The following AKAP12 variants were observed in gnomAD, a reference collection of about 807,000 sequenced individuals.
AKAP12 encodes A-kinase anchoring protein 12, also known as A-kinase anchor protein 12.
A neutral mutation model predicts 79.9 loss-of-function variants in AKAP12; 32 were observed. That is an observed-to-expected ratio of 0.40 (90% CI 0.30 to 0.54). The LOEUF (loss-of-function observed/expected upper bound fraction) is 0.54. AKAP12 is among the 20% of genes least tolerant of loss of function. The pLI, the probability that AKAP12 is intolerant of heterozygous loss-of-function variation, is 0.48. For missense variants in AKAP12, 2,074 were observed against 2,177.0 expected (o/e 0.95, Z 0.94); for synonymous variants, 808 against 857.0 (o/e 0.94, Z 1.00).
At chr6:151,270,385 C>T (rs1253740947) in intron 2 of AKAP12, among the ~76,000 whole-genome samples, 2 of 152,188 alleles carry the variant, frequency 1.3e-5, no homozygotes, top group East Asian at 3.8e-4. Context: ...TATAATATTC[C>T]GTTGTATGGA....
chr6:151,327,799 T>C (rs1335460954), intron 3 of AKAP12, among the ~76,000 whole-genome samples: 1 of 152,170 alleles, frequency 6.6e-6, no homozygotes, highest in Non-Finnish European at 1.5e-5. Flanking sequence ...ACAATGTGGG[T>C]GTGGAGGATA....
At chr6:151,244,447 TCGGGAAGCGGAGTTTGCAATGAG>T (rs1464858330) in intron 2 of AKAP12, among the ~76,000 whole-genome samples, 2 of 152,060 alleles carry the variant, frequency 1.3e-5, no homozygotes, top group African/African-American at 4.8e-5. Flanking sequence ...TGGCGTGAAC[TCGGGAAGCGGAGTTTGCAATGAG>T]CCGAGTTGGC....
intron 3 of AKAP12, chr6:151,341,688 TGAGTA>T: frequency 8.2e-7 from 1 of 1,220,246 alleles, no homozygotes; most frequent in Non-Finnish European, 1.0e-6. Context: ...AACTCTGCAG[TGAGTA>T]GCACGTGCAC....
At position 151,356,624 on chromosome 6, in the gene AKAP12, AAGTC is replaced by A. The variant is rs1279917271; in HGVS notation, c.*913_*916del. On this transcript the variant is annotated 3_prime_UTR_variant, in exon 5 of 5. Transcript: ENST00000402676. Reference sequence around the variant, plus strand: ...ACTGCATTCACACATGGCATGAAATAAGTCAGGTTCTTTACAAATGGTATTTTGA... The same window carrying A: ...ACTGCATTCACACATGGCATGAAATAAGGTTCTTTACAAATGGTATTTTGA... The A allele has an allele frequency of 6.6e-6, 1 of 152,244 alleles. No individual in the cohort carries two copies. Among genetic ancestry groups the A allele is most frequent in the Non-Finnish European group, 1.5e-5 (1 of 68,036 alleles). 9.4% of individuals were successfully genotyped at this position (152,244 alleles called of 1,614,324 possible). A position where few individuals can be genotyped will look rare whatever the true frequency, so the allele number is the denominator to read the frequency against.
At chr6:151,347,964 G>A (rs1448378178) in intron 3 of AKAP12, among the ~76,000 whole-genome samples, 1 of 151,612 alleles carries the variant, frequency 6.6e-6, no homozygotes, top group African/African-American at 2.4e-5. Context: ...GAGGTCAGAA[G>A]ATCGAGACCA....
intron 3 of AKAP12, chr6:151,319,751 C>A: frequency 6.3e-6 from 1 of 157,904 alleles, no homozygotes. Context: ...ATGGGCGTCC[C>A]TCCCGAAGCT....
intron 2 of AKAP12, among the ~76,000 whole-genome samples, chr6:151,281,640 G>A (rs768289638): frequency 3.3e-5 from 5 of 152,144 alleles, no homozygotes; most frequent in Non-Finnish European, 7.4e-5. Flanking sequence ...GGCATTCTAT[G>A]TGAGGCTAGG....
At chr6:151,324,930 G>A (rs754164194) in intron 3 of AKAP12, 64 of 985,316 alleles carry the variant, frequency 6.5e-5, no homozygotes, top group Non-Finnish European at 7.0e-5. Flanking sequence ...GTGCTTGCAT[G>A]TTAGAGATAT....
intron 3 of AKAP12, among the ~76,000 whole-genome samples, chr6:151,321,915 T>TG (rs1034155231): frequency 0.023 from 3,404 of 145,724 alleles, 137 homozygotes; most frequent in African/African-American, 0.084. Context: ...TTTTTTTTTT[T>TG]TTTTTTTTTT....
chr6:151,325,486 C>G (rs1468919694), intron 3 of AKAP12: 2 of 985,284 alleles, frequency 2.0e-6, no homozygotes, highest in Non-Finnish European at 2.4e-6. Context: ...TCACAGAGCC[C>G]AGCTCGGGGG....
chr6:151,277,051 A>G (rs937157500), intron 2 of AKAP12, among the ~76,000 whole-genome samples: 2 of 152,220 alleles, frequency 1.3e-5, no homozygotes, highest in African/African-American at 4.8e-5. Flanking sequence ...AAAAACAAAT[A>G]CAACAACCTG....
intron 3 of AKAP12, among the ~76,000 whole-genome samples, chr6:151,312,509 C>T (rs971478881): frequency 6.7e-5 from 10 of 149,646 alleles, no homozygotes; most frequent in South Asian, 2.1e-4. Context: ...ATCATGAGGA[C>T]GGCCGGGCAC....
chr6:151,322,289 C>T (rs918354337), intron 3 of AKAP12, among the ~76,000 whole-genome samples: 6 of 151,978 alleles, frequency 3.9e-5, no homozygotes, highest in African/African-American at 1.2e-4. Flanking sequence ...GGGCTAATAA[C>T]GTTGGACGTA....
intron 3 of AKAP12, among the ~76,000 whole-genome samples, chr6:151,321,903 G>GTTTTTTTTTTTT (rs11415941): frequency 4.5e-5 from 3 of 67,358 alleles, no homozygotes; most frequent in African/African-American, 1.8e-4. Flanking sequence ...TCAGCTTTAT[G>GTTTTTTTTTTTT]TTTTTTTTTT....
rs1453918550 is a variant in AKAP12 at position 151,353,539 on chromosome 6, T to C, written c.5148T>C (p.Asp1716=). 1.9e-6 allele frequency: 3 copies of C among 1,614,024 alleles called. No individual in the cohort carries two copies. The highest frequency in any genetic ancestry group is 4.5e-5 in the East Asian group (2 of 44,904). The change falls in exon 4 of 5, where the codon GAT becomes GAC. Residue 1716 remains aspartate (D), a synonymous_variant. Transcript: ENST00000402676. The part of the protein sequence containing the change: ...DPENQNSALA[D]TDASGGLTKE... ...AAAACCAGAACTCAGCCCTGGCTGA[T>C]ACTGATGCCTCAGGAGGCTTAACCA...
chr6:151,302,051 C>G (rs895728467), intron 2 of AKAP12, among the ~76,000 whole-genome samples: 23 of 148,780 alleles, frequency 1.5e-4, no homozygotes, highest in Non-Finnish European at 1.5e-4. Flanking sequence ...GAGTCTCCCT[C>G]TGTTGCCCAG....
chr6:151,274,390 C>G (rs1776252352), intron 2 of AKAP12, among the ~76,000 whole-genome samples: 1 of 151,848 alleles, frequency 6.6e-6, no homozygotes, highest in Non-Finnish European at 1.5e-5. Flanking sequence ...ACCTTCAGTT[C>G]TTGAAGATCA....
intron 3 of AKAP12, among the ~76,000 whole-genome samples, chr6:151,340,904 G>C (rs1562747826): frequency 6.6e-6 from 1 of 152,226 alleles, no homozygotes. Context: ...GAGCTGCAAA[G>C]ATGAATTCTT....
At position 151,351,235 on chromosome 6, in the gene AKAP12, C is replaced by A. The variant is rs372570130; in HGVS notation, c.2844C>A (p.Pro948=). Residue 948 remains proline (P), a synonymous_variant, in exon 4 of 5, where the codon CCC becomes CCA. Coordinates refer to ENST00000402676, the MANE Select transcript of AKAP12 (RefSeq NM_005100.4). This position sits in a 1 kb window ranked among gnomAD's most constrained non-coding sequence, Gnocchi z 4.4. The part of the protein sequence containing the change: ...EREVIAEEEP[P]TVTEPLPENR... ...AAGTAATTGCAGAAGAAGAACCCCC[C>A]ACGGTTACTGAACCTCTGCCAGAGA... 1 of 1,614,222 alleles carries A rather than the reference C, an allele frequency of 6.2e-7. No individual in the cohort carries two copies. The highest frequency in any genetic ancestry group is 8.5e-7 in the Non-Finnish European group (1 of 1,180,040).
Sources: allele counts gnomAD v4.1 joint callset (sites outside exome capture counted in the v4.1 genomes callset), GRCh38; gene constraint gnomAD v4.1.1; non-coding constraint Gnocchi (gnomAD v3.1); transcripts MANE v1.5; gene names NCBI Gene and HGNC (gene_info 2026-07-23, HGNC 2026-07-21).